CSNK1G3: variants seen among roughly 807,000 people sequenced by gnomAD.
CSNK1G3 encodes casein kinase I isoform gamma-3.
A neutral mutation model predicts 64.3 loss-of-function variants in CSNK1G3; 23 were observed. The ratio of observed to expected loss-of-function variants is 0.36; its 90% CI spans 0.26 to 0.51. The LOEUF (loss-of-function observed/expected upper bound fraction) is 0.51. CSNK1G3 is among the 20% of genes least tolerant of loss of function. The probability of loss-of-function intolerance (pLI) is 0.96; values close to 1 mark genes in which losing one functional copy is unlikely to be tolerated. For synonymous variants in CSNK1G3, 158 were observed against 162.2 expected (o/e 0.97, Z 0.20); for missense variants, 357 against 510.5 (o/e 0.70, Z 2.90).
chr5:123,590,531 T>A lies in CSNK1G3; in HGVS notation c.963T>A (p.Tyr321Ter). The change falls in exon 9 of 13, where the codon TAT becomes TAA. Residue 321 changes from tyrosine to a stop codon, truncating the protein, a stop_gained. Coordinates refer to ENST00000345990, the Ensembl canonical transcript of CSNK1G3. LOFTEE classifies it high-confidence loss of function. ...ATCGAAAAGGATATATGTTTGATTA[T>A]GAATATGACTGGATTGGTAAACAGT... The A allele has an allele frequency of 6.6e-7, 1 of 1,520,124 alleles. No individual in the cohort carries two copies. The highest frequency in any genetic ancestry group is 8.8e-7 in the Non-Finnish European group (1 of 1,138,960). The allele number at this position is 1,520,124 out of a possible 1,614,324, so 94.2% of individuals were successfully genotyped here.
intron 1 of CSNK1G3, among the ~76,000 whole-genome samples, chr5:123,542,348 G>C (rs971980603): frequency 6.6e-6 from 1 of 151,958 alleles, no homozygotes; most frequent in Non-Finnish European, 1.5e-5. Context: ...ACTTCTACCT[G>C]TTATATATGA....
intron 2 of CSNK1G3, among the ~76,000 whole-genome samples, chr5:123,547,544 G>C (rs1298036563): frequency 1.3e-5 from 2 of 152,052 alleles, no homozygotes; most frequent in African/African-American, 4.8e-5. Context: ...ATATACTGAA[G>C]CTATATATGT....
At chr5:123,582,559 G>A (rs1790501786) in intron 6 of CSNK1G3, among the ~76,000 whole-genome samples, 1 of 152,014 alleles carries the variant, frequency 6.6e-6, no homozygotes. Flanking sequence ...TTTTTAATTG[G>A]TTTCAAGACC....
chr5:123,565,274 A>G (rs1786627833), intron 4 of CSNK1G3, among the ~76,000 whole-genome samples: 1 of 152,180 alleles, frequency 6.6e-6, no homozygotes, highest in South Asian at 2.1e-4. Context: ...TATTTATGTT[A>G]TTACAAAATA....
intron 2 of CSNK1G3, among the ~76,000 whole-genome samples, chr5:123,550,710 A>G (rs1461292672): frequency 6.6e-6 from 1 of 152,202 alleles, no homozygotes; most frequent in African/African-American, 2.4e-5. Flanking sequence ...CTTAACCGGC[A>G]CCAGTTTACT....
intron 1 of CSNK1G3, among the ~76,000 whole-genome samples, chr5:123,512,953 G>A (rs1420600406): frequency 1.3e-5 from 2 of 152,064 alleles, no homozygotes; most frequent in Non-Finnish European, 2.9e-5. Flanking sequence ...GGGGAGTGTC[G>A]CCCACGGTGC....
rs141317589 is a variant in CSNK1G3 at position 123,543,474 on chromosome 5, G to A, written c.-247-1943G>A. 1.2e-4 allele frequency among the ~76,000 whole-genome samples: 18 copies of A among 152,174 alleles called. No individual in the cohort carries two copies. In the East Asian group the frequency reaches 2.5e-3, roughly 21 times the overall value. ...TTTTAGACTATTCCCTTGTACACATGTAGCCTAGCCTTCTGCCCTACCACC... is the reference window on the plus strand; with the variant it reads ...TTTTAGACTATTCCCTTGTACACATATAGCCTAGCCTTCTGCCCTACCACC... On this transcript the variant is annotated intron_variant, in intron 1 of 12. Coordinates refer to ENST00000345990, the Ensembl canonical transcript of CSNK1G3.
exon 13 of CSNK1G3, chr5:123,614,579 A>G: frequency 2.0e-6 from 1 of 494,976 alleles, no homozygotes; most frequent in Admixed American, 3.9e-5. Context: ...TTTTTCTCTA[A>G]TTTAACCTTT....
At chr5:123,616,288 T>C (rs752593938) in exon 13 of CSNK1G3, 5 of 152,598 alleles carry the variant, frequency 3.3e-5, no homozygotes, top group Non-Finnish European at 7.4e-5. Context: ...CTTTACAGTA[T>C]TTGACCAAAC....
chr5:123,558,680 A>G (rs191999207), intron 4 of CSNK1G3, among the ~76,000 whole-genome samples: 2 of 152,236 alleles, frequency 1.3e-5, no homozygotes, highest in African/African-American at 4.8e-5. Flanking sequence ...CAGACTTCTT[A>G]TAATACATAT....
intron 1 of CSNK1G3, among the ~76,000 whole-genome samples, chr5:123,513,966 T>C (rs1189861394): frequency 6.6e-6 from 1 of 152,238 alleles, no homozygotes; most frequent in Non-Finnish European, 1.5e-5. Flanking sequence ...GGATAAATTG[T>C]CTTATTCTTT....
intron 9 of CSNK1G3, 143 bp from the exon 10 acceptor site, chr5:123,591,176 T>C (rs1432270140): frequency 4.4e-6 from 2 of 453,482 alleles, no homozygotes; most frequent in African/African-American, 4.1e-5. Flanking sequence ...TAACAACATA[T>C]TTTGATAATG....
chr5:123,533,091 C>A (rs1780199462), intron 1 of CSNK1G3, among the ~76,000 whole-genome samples: 1 of 151,848 alleles, frequency 6.6e-6, no homozygotes, highest in African/African-American at 2.4e-5. Context: ...ATTAAGTTTA[C>A]TTAATCTATT....
chr5:123,546,040 T>G, intron 2 of CSNK1G3, 199 bp downstream of exon 2: 1 of 512,066 alleles, frequency 2.0e-6, no homozygotes, highest in Non-Finnish European at 3.5e-6. Flanking sequence ...GTGTCTACTT[T>G]AGCCATCCAG....
Position 123,606,696 on chromosome 5 carries a change from A to C in CSNK1G3, c.1217+1334A>C, listed in dbSNP as rs77886129. ...CTTGTGCCTCTTTTATCTGTGTCCT[A>C]TATTTTTACTTCCATACACACACTC... is the stretch of plus-strand genomic sequence containing the variant. On this transcript the variant is annotated intron_variant, in intron 12 of 12. Coordinates refer to ENST00000345990, the Ensembl canonical transcript of CSNK1G3. Among the ~76,000 whole-genome samples, 23 of 151,946 alleles carry C rather than the reference A, an allele frequency of 1.5e-4. 1 individual carries two copies. The highest frequency in any genetic ancestry group is 3.4e-4 in the Non-Finnish European group (23 of 67,986).
At chr5:123,591,889 T>G (rs1020181617) in intron 10 of CSNK1G3, among the ~76,000 whole-genome samples, 1 of 152,080 alleles carries the variant, frequency 6.6e-6, no homozygotes, top group African/African-American at 2.4e-5. Context: ...CAGGCATACA[T>G]GGATATGGCT....
At chr5:123,513,191 C>T in intron 1 of CSNK1G3, among the ~76,000 whole-genome samples, 1 of 152,176 alleles carries the variant, frequency 6.6e-6, no homozygotes, top group Non-Finnish European at 1.5e-5. Context: ...AGCAAAATCA[C>T]TCTGATGGTT....
intron 1 of CSNK1G3, among the ~76,000 whole-genome samples, chr5:123,544,491 G>C (rs1234023248): frequency 6.6e-6 from 1 of 152,150 alleles, no homozygotes; most frequent in Non-Finnish European, 1.5e-5. Flanking sequence ...ATAAGTATTT[G>C]ATATCAATCC....
At chr5:123,572,457 T>C (rs374690846) in intron 4 of CSNK1G3, among the ~76,000 whole-genome samples, 1 of 152,214 alleles carries the variant, frequency 6.6e-6, no homozygotes, top group African/African-American at 2.4e-5. Context: ...TGGCTTAAGA[T>C]GAAAGACTTT....
Sources: allele counts gnomAD v4.1 joint callset (sites outside exome capture counted in the v4.1 genomes callset), GRCh38; gene constraint gnomAD v4.1.1; transcripts MANE v1.5; gene names NCBI Gene and HGNC (gene_info 2026-07-23, HGNC 2026-07-21).